SGSM3: variants seen among roughly 807,000 people sequenced by gnomAD.
SGSM3 encodes the protein RUN and SH3 containing 3.
A neutral mutation model predicts 100.5 loss-of-function variants in SGSM3; 96 were observed. The observed-to-expected ratio is 0.96, with a 90% confidence interval of 0.81 to 1.13. SGSM3 has a LOEUF of 1.13. Among genes scored for constraint, SGSM3 ranks in the 50% most tolerant of loss-of-function variants. The pLI, the probability that SGSM3 is intolerant of heterozygous loss-of-function variation, is 0.00. For missense variants in SGSM3, 1,001 were observed against 1,015.8 expected, an observed-to-expected ratio of 0.99 and a Z score of 0.20; for synonymous variants, 483 against 422.8, an observed-to-expected ratio of 1.14 and a Z score of -1.75.
At chr22:40,408,234 C>T (rs1487101248) in intron 15 of SGSM3, 43 bp from the exon 16 acceptor site, 5 of 1,608,682 alleles carry the variant, frequency 3.1e-6, no homozygotes, top group East Asian at 2.2e-5. Context: ...TGACTGGCTG[C>T]AGGCGTCAGG....
At position 40,401,812 on chromosome 22, in the gene SGSM3, G is replaced by T. The variant is rs562401190; in HGVS notation, c.90+137G>T. 4.1e-6 allele frequency: 3 copies of T among 724,572 alleles called. No individual in the cohort carries two copies. In the South Asian group the frequency reaches 4.5e-5, roughly 11 times the overall value. 44.9% of individuals were successfully genotyped at this position (724,572 alleles called of 1,614,324 possible). ...GTTCCCCACCAGAGATGGTATCTTA[G>T]CCCCATGTTTCCTGTGTGAATCAAC... is the stretch of plus-strand genomic sequence containing the variant. On this transcript the variant is annotated intron_variant, in intron 3 of 21. Transcript: ENST00000248929.
Position 40,409,814 on chromosome 22 carries a change from AAGCTGCAGAGCCC to A in SGSM3, c.*58_*70del. Reference sequence around the variant, plus strand: ...TGCGTCTGAGGTGGCCCAGGACCCCAAGCTGCAGAGCCCAGGGAAGAGCAGCTCCAGAGCCCTG... The same window carrying A: ...TGCGTCTGAGGTGGCCCAGGACCCCAAGGGAAGAGCAGCTCCAGAGCCCTG... On this transcript the variant is annotated 3_prime_UTR_variant, in exon 22 of 22. Coordinates refer to ENST00000248929, the MANE Select transcript of SGSM3 (RefSeq NM_015705.6). 6.3e-7 allele frequency: 1 copy of A among 1,576,568 alleles called. No homozygotes were observed. The highest frequency in any genetic ancestry group is 8.6e-7 in the Non-Finnish European group (1 of 1,166,242).
rs1045152186 is a variant in SGSM3 at position 40,405,714 on chromosome 22, C to T, written c.684C>T (p.Ile228=). The T allele has an allele frequency of 6.8e-6, 11 of 1,613,632 alleles. No individual in the cohort carries two copies. The highest frequency in any genetic ancestry group is 3.3e-5 in the South Asian group (3 of 91,078). Residue 228 remains isoleucine (I), a synonymous_variant, in exon 8 of 22, where the codon ATC becomes ATT. Coordinates refer to ENST00000248929, the MANE Select transcript of SGSM3 (RefSeq NM_015705.6). ...CCTTCTGGATGATGTCTGCCATCAT[C>T]GAGGACCTGCTCCCCGCCTCCTACT... The part of the protein sequence containing the change: ...EDAFWMMSAI[I]EDLLPASYFS...
chr22:40,406,356 G>A (rs1025063998), intron 9 of SGSM3, 82 bp from the exon 10 acceptor site: 1 of 1,496,630 alleles, frequency 6.7e-7, no homozygotes, highest in African/African-American at 1.4e-5. Context: ...ACGGGTCCCT[G>A]AGGATGGGGG....
intron 1 of SGSM3, among the ~76,000 whole-genome samples, chr22:40,371,232 G>A (rs2045403501): frequency 6.6e-6 from 1 of 152,224 alleles, no homozygotes; most frequent in Non-Finnish European, 1.5e-5. Context: ...AGAATCATCC[G>A]GTGTGGTTAG....
Position 40,408,918 on chromosome 22 carries a change from C to T in SGSM3, c.1903-15C>T, listed in dbSNP as rs200264545. Reference sequence around the variant, plus strand: ...GTGGGGGAGCCTGAGTGACAGCTGACGGTGCCGTTCCCAGGCTGTGCAGTC... The same window carrying T: ...GTGGGGGAGCCTGAGTGACAGCTGATGGTGCCGTTCCCAGGCTGTGCAGTC... On this transcript the variant is annotated splice_polypyrimidine_tract_variant and intron_variant, in intron 18 of 21. Transcript: ENST00000248929. 2.7e-4 allele frequency: 434 copies of T among 1,613,512 alleles called. 1 individual carries two copies. In the African/African-American group the frequency reaches 3.1e-3, roughly 12 times the overall value.
intron 1 of SGSM3, among the ~76,000 whole-genome samples, chr22:40,378,477 C>T (rs1462158001): frequency 6.6e-6 from 1 of 151,564 alleles, no homozygotes; most frequent in Non-Finnish European, 1.5e-5. Flanking sequence ...GCCTGTCATC[C>T]TAGCACTTTG....
At position 40,409,262 on chromosome 22, in the gene SGSM3, G is replaced by A. The variant is rs762243115; in HGVS notation, c.2001G>A (p.Leu667=). The change falls in exon 20 of 22, where the codon CTG becomes CTA. Residue 667 remains leucine, a synonymous_variant. Transcript: ENST00000248929. ...GCCATGTCCCCAGTGAGCAGGTGCT[G>A]CACCTGTGGCTGGAGGTGCTCTGCT... ...LICVGLNEQV[L]HLWLEVLCSS... The A allele has an allele frequency of 3.7e-6, 6 of 1,608,722 alleles. No homozygotes were observed. The highest frequency in any genetic ancestry group is 1.3e-5 in the African/African-American group (1 of 74,878).
In SGSM3 at chr22:40,370,684, G is replaced by C. The variant is rs2045216689; in HGVS notation, c.-116G>C. On this transcript the variant is annotated 5_prime_UTR_variant, in exon 1 of 22. Transcript: ENST00000248929. Reference sequence around the variant, plus strand: ...GGATTGGCGCTGAGGTGGCCCGTGGGGCAGGTGAGTGCGGGGCGGGAGTCA... The same window carrying C: ...GGATTGGCGCTGAGGTGGCCCGTGGCGCAGGTGAGTGCGGGGCGGGAGTCA... 1 of 152,630 alleles carries C rather than the reference G, an allele frequency of 6.6e-6. No individual in the cohort carries two copies. Among genetic ancestry groups the C allele is most frequent in the South Asian group, 2.1e-4 (1 of 4,844 alleles). 9.5% of individuals were successfully genotyped at this position (152,630 alleles called of 1,614,324 possible). A position where few individuals can be genotyped will look rare whatever the true frequency, so the allele number is the denominator to read the frequency against.
At position 40,408,398 on chromosome 22, in the gene SGSM3, G is replaced by T. The variant is rs561742442; in HGVS notation, c.1751G>T (p.Gly584Val). 9 of 1,613,466 alleles carry T rather than the reference G, an allele frequency of 5.6e-6. No homozygotes were observed. The South Asian group carries it at 9.9e-5, about 18-fold the overall frequency. The stretch of plus-strand genomic sequence containing the variant: ...CTGAAGAAGCCATCCCTGCTTGGGG[G>T]CGCCTGCCACCCCTGGCTGTTTATC... ...HGLKKPSLLG[G>V]ACHPWLFIEE... Residue 584 changes from glycine (G) to valine (V), a missense_variant, in exon 16 of 22, where the codon GGC becomes GTC. Physicochemically the swap from Gly to Val is moderately radical, Grantham distance 109. Coordinates refer to ENST00000248929, the MANE Select transcript of SGSM3 (RefSeq NM_015705.6).
intron 1 of SGSM3, among the ~76,000 whole-genome samples, chr22:40,395,789 G>A (rs1344621337): frequency 2.0e-5 from 3 of 152,146 alleles, no homozygotes; most frequent in Non-Finnish European, 2.9e-5. Flanking sequence ...CCAACTCTGC[G>A]GCAAGGCCTG....
At chr22:40,377,573 C>T (rs535207570) in intron 1 of SGSM3, among the ~76,000 whole-genome samples, 34 of 152,260 alleles carry the variant, frequency 2.2e-4, no homozygotes, top group Middle Eastern at 6.8e-3. Flanking sequence ...TCGTGGCTCA[C>T]GCCTGTAATC....
intron 1 of SGSM3, chr22:40,390,531 G>A (rs975865122): frequency 5.3e-5 from 8 of 152,154 alleles, no homozygotes; most frequent in African/African-American, 9.7e-5. Context: ...AGGGAGTTAC[G>A]TTGTATATAG....
rs569982729 is a variant in SGSM3 at position 40,373,839 on chromosome 22, C to T, written c.-112+3151C>T. On this transcript the variant is annotated intron_variant, in intron 1 of 21. Transcript: ENST00000248929. Reference sequence around the variant, plus strand: ...CCATGTTGGCCAGGATGGTCTCCATCTCTTGACCTCGTGATCCGCCCTCCT... The same window carrying T: ...CCATGTTGGCCAGGATGGTCTCCATTTCTTGACCTCGTGATCCGCCCTCCT... Among the ~76,000 whole-genome samples, 4 of 152,332 alleles carry T rather than the reference C, an allele frequency of 2.6e-5. 1 individual carries two copies. The South Asian group carries it at 6.2e-4, about 24-fold the overall frequency.
intron 1 of SGSM3, among the ~76,000 whole-genome samples, chr22:40,379,948 T>A (rs1160847605): frequency 6.6e-6 from 1 of 152,178 alleles, no homozygotes; most frequent in Non-Finnish European, 1.5e-5. Flanking sequence ...TGGGCTCAAG[T>A]GATCCACCCT....
Position 40,372,122 on chromosome 22 carries a change from C to G in SGSM3, c.-112+1434C>G, listed in dbSNP as rs190605877. On this transcript the variant is annotated intron_variant, in intron 1 of 21. Coordinates refer to ENST00000248929, the MANE Select transcript of SGSM3 (RefSeq NM_015705.6). ...TAGTTCTTCTCCCTGTCCCCCCCCC[C>G]TTTTTTTTTTTTTTTTTTTTTTGAG... Among the ~76,000 whole-genome samples, 5 of 65,210 alleles carry G rather than the reference C, an allele frequency of 7.7e-5. 1 individual carries two copies. The highest frequency in any genetic ancestry group is 3.3e-4 in the African/African-American group (5 of 15,094). 42.8% of individuals were successfully genotyped at this position (65,210 alleles called of 152,430 possible). A position where few individuals can be genotyped will look rare whatever the true frequency, so the allele number is the denominator to read the frequency against.
chr22:40,405,913 G>T (rs947894027), intron 8 of SGSM3, 69 bp downstream of exon 8: 9 of 1,518,270 alleles, frequency 5.9e-6, no homozygotes, highest in African/African-American at 1.4e-5. Flanking sequence ...GCCGAGTGGG[G>T]ATAGGGCACA....
At chr22:40,409,553 G>A (rs375844819) in intron 21 of SGSM3, 28 bp downstream of exon 21, 1 of 1,611,970 alleles carries the variant, frequency 6.2e-7, no homozygotes, top group Non-Finnish European at 8.5e-7. Flanking sequence ...CGTAGGGCCT[G>A]CACTGATGGA....
intron 6 of SGSM3, 72 bp from the exon 7 acceptor site, chr22:40,405,069 C>T (rs546424725): frequency 1.5e-5 from 21 of 1,438,746 alleles, no homozygotes; most frequent in South Asian, 9.8e-5. Context: ...GGGAGAAGCC[C>T]GCCTGGGGTC....
Sources: gnomAD v4.1 joint callset for allele counts (sites outside exome capture counted in the v4.1 genomes callset) on GRCh38, gnomAD v4.1.1 for gene constraint, MANE v1.5 for transcripts, NCBI Gene and HGNC (gene_info 2026-07-23, HGNC 2026-07-21) for gene names.